Variants in EPB41L2 observed in about 807,000 individuals in gnomAD.
The protein encoded by EPB41L2 is band 4.1-like protein 2.
EPB41L2 carries 43 observed loss-of-function variants against 113.0 expected under a neutral mutation model. The observed-to-expected ratio is 0.38, with a 90% CI of 0.30 to 0.49. EPB41L2 has a LOEUF of 0.49. Among genes scored for constraint, EPB41L2 ranks in the 20% least tolerant of loss-of-function variants. EPB41L2 has a pLI of 0.95. For missense variants in EPB41L2, 1,147 were observed against 1,223.4 expected (o/e 0.94, Z 0.93); for synonymous variants, 442 against 436.7 (o/e 1.01, Z -0.15).
chr6:131,009,256 A>C (rs1786344403), intron 1 of EPB41L2, among the ~76,000 whole-genome samples: 1 of 152,196 alleles, frequency 6.6e-6, no homozygotes, highest in East Asian at 1.9e-4. Flanking sequence ...TTCAGTCGGC[A>C]CTCATTCACT....
In EPB41L2 at chr6:130,858,128, T is replaced by C; in HGVS notation, c.*5+3A>G. ...AGGCCACAGACAATGAGGGCTCTCTTACCTTACTTAATCTTCCCCTTCCTC... is the reference window on the plus strand; with the variant it reads ...AGGCCACAGACAATGAGGGCTCTCTCACCTTACTTAATCTTCCCCTTCCTC... On this transcript the variant is annotated splice_donor_region_variant and intron_variant, in intron 19 of 19. Transcript: ENST00000337057. The C allele has an allele frequency of 6.2e-7, 1 of 1,610,286 alleles. No homozygotes were observed. The highest frequency in any genetic ancestry group is 8.5e-7 in the Non-Finnish European group (1 of 1,176,660).
intron 10 of EPB41L2, 25 bp downstream of exon 10, chr6:130,894,319 T>C: frequency 6.3e-7 from 1 of 1,592,714 alleles, no homozygotes. Context: ...CATGCCCGGC[T>C]TCCGAGCTGT....
intron 4 of EPB41L2, among the ~76,000 whole-genome samples, chr6:130,909,327 C>T (rs892457222): frequency 2.0e-5 from 3 of 151,076 alleles, no homozygotes; most frequent in Non-Finnish European, 1.5e-5. Flanking sequence ...ACTCCTAAAA[C>T]GAACTACTCC....
In EPB41L2 at chr6:130,954,040, C is replaced by CTTTCT. The variant is rs1816373036; in HGVS notation, c.705+1064_705+1065insAGAAA. ...TCCTCTTTTGCTAGTCCTTTTCTTT[C>CTTTCT]TTTTTTTTTTTTTTTTTTTTTTTTT... On this transcript the variant is annotated intron_variant, in intron 3 of 19. Transcript: ENST00000337057. Among the ~76,000 whole-genome samples the CTTTCT allele has an allele frequency of 1.7e-4, 10 of 58,872 alleles. 1 individual carries two copies. The highest frequency in any genetic ancestry group is 3.0e-4 in the Non-Finnish European group (9 of 30,232). The allele number at this position is 58,872 out of a possible 152,430, so 38.6% of individuals were successfully genotyped here. A position where few individuals can be genotyped will look rare whatever the true frequency, so the allele number is the denominator to read the frequency against.
At chr6:130,932,544 T>C (rs1807257467) in intron 3 of EPB41L2, among the ~76,000 whole-genome samples, 1 of 152,242 alleles carries the variant, frequency 6.6e-6, no homozygotes, top group Non-Finnish European at 1.5e-5. Context: ...TTTTTTCCTC[T>C]GATTTATTTA....
chr6:130,944,331 C>T (rs1408460092), intron 3 of EPB41L2, among the ~76,000 whole-genome samples: 1 of 151,972 alleles, frequency 6.6e-6, no homozygotes, highest in African/African-American at 2.4e-5. Context: ...CAAGAAAGTA[C>T]AGGGAAATAA....
chr6:130,939,822 G>C (rs960139364), intron 3 of EPB41L2, among the ~76,000 whole-genome samples: 4 of 152,136 alleles, frequency 2.6e-5, no homozygotes, highest in African/African-American at 9.7e-5. Flanking sequence ...CTATATTCAG[G>C]GGAAGAGTCC....
At chr6:130,987,284 TTTC>T (rs1780787950) in intron 1 of EPB41L2, among the ~76,000 whole-genome samples, 2 of 152,140 alleles carry the variant, frequency 1.3e-5, no homozygotes, top group Non-Finnish European at 2.9e-5. Flanking sequence ...CTATGTTAAG[TTTC>T]TGAGGACACA....
intron 14 of EPB41L2, 195 bp from the exon 15 acceptor site, chr6:130,870,321 G>T: frequency 6.4e-7 from 1 of 1,550,724 alleles, no homozygotes; most frequent in Non-Finnish European, 8.7e-7. Context: ...TGGAAAAAGG[G>T]GAGAACCTTA....
chr6:130,991,355 G>A (rs1022843274), intron 1 of EPB41L2, among the ~76,000 whole-genome samples: 1 of 152,156 alleles, frequency 6.6e-6, no homozygotes, highest in African/African-American at 2.4e-5. Flanking sequence ...AGTATACCAA[G>A]GAGACATTTA....
At chr6:130,936,342 C>T (rs1808777890) in intron 3 of EPB41L2, among the ~76,000 whole-genome samples, 1 of 152,164 alleles carries the variant, frequency 6.6e-6, no homozygotes, top group African/African-American at 2.4e-5. Flanking sequence ...TGTAACACAA[C>T]TGGTTATAGC....
At chr6:131,059,114 C>CTTCTTTTTT (rs34376821) in intron 1 of EPB41L2, among the ~76,000 whole-genome samples, 1 of 131,376 alleles carries the variant, frequency 7.6e-6, no homozygotes, top group African/African-American at 2.8e-5. Context: ...TTACCTATAA[C>CTTCTTTTTT]TTTTTTTTTT....
chr6:130,953,621 C>G (rs975716463), intron 3 of EPB41L2, among the ~76,000 whole-genome samples: 2 of 151,724 alleles, frequency 1.3e-5, no homozygotes, highest in Admixed American at 6.6e-5. Flanking sequence ...ACATATGTAA[C>G]AAACCTGCAC....
intron 19 of EPB41L2, among the ~76,000 whole-genome samples, chr6:130,847,019 A>G (rs1436227580): frequency 6.6e-6 from 1 of 152,212 alleles, no homozygotes; most frequent in Non-Finnish European, 1.5e-5. Context: ...TTTTCAGTCA[A>G]TCATACACAC....
intron 1 of EPB41L2, among the ~76,000 whole-genome samples, chr6:130,969,337 G>C (rs1238355727): frequency 6.6e-6 from 1 of 152,164 alleles, no homozygotes; most frequent in Non-Finnish European, 1.5e-5. Context: ...AGGAATCGCA[G>C]AGGTCATCTG....
intron 12 of EPB41L2, chr6:130,881,142 A>G (rs1789176788): frequency 6.6e-6 from 1 of 152,196 alleles, no homozygotes. Context: ...TACTGACTGA[A>G]TTTTGACTCA....
At chr6:130,896,933 T>C (rs7754351) in intron 8 of EPB41L2, among the ~76,000 whole-genome samples, 120,095 of 151,960 alleles carry the variant, frequency 0.79, 48,322 homozygotes, top group East Asian at 1. Flanking sequence ...GTGTTTAATA[T>C]CCAGATTCCC....
At chr6:130,951,870 T>C (rs9492767) in intron 3 of EPB41L2, among the ~76,000 whole-genome samples, 31,871 of 151,730 alleles carry the variant, frequency 0.21, 3,528 homozygotes, top group Admixed American at 0.26. Flanking sequence ...CTCTTCCCTT[T>C]ATCATGAAAC....
chr6:130,871,625 A>G (rs1785718159), intron 14 of EPB41L2, among the ~76,000 whole-genome samples: 1 of 152,218 alleles, frequency 6.6e-6, no homozygotes, highest in South Asian at 2.1e-4. Flanking sequence ...TTATTCTTAA[A>G]CACATGGTAA....
Sources: allele counts gnomAD v4.1 joint callset (sites outside exome capture counted in the v4.1 genomes callset), GRCh38; gene constraint gnomAD v4.1.1; transcripts MANE v1.5; gene names NCBI Gene and HGNC (gene_info 2026-07-23, HGNC 2026-07-21).